ARHGAP29: variants seen among roughly 807,000 people sequenced by gnomAD.
ARHGAP29 encodes rho GTPase-activating protein 29.
A neutral mutation model predicts 122.6 loss-of-function variants in ARHGAP29; 43 were observed. The observed-to-expected ratio is 0.35, with a 90% CI of 0.27 to 0.45. The LOEUF (loss-of-function observed/expected upper bound fraction) is 0.45. Ranked by LOEUF, ARHGAP29 falls within the 20% of genes least tolerant of loss-of-function variation. The pLI is 1.00. For missense variants in ARHGAP29, 1,303 were observed against 1,477.2 expected, an observed-to-expected ratio of 0.88 and a Z score of 1.93; for synonymous variants, 506 against 497.1, an observed-to-expected ratio of 1.02 and a Z score of -0.24.
chr1:94,174,108 G>A lies in ARHGAP29; in HGVS notation c.3547C>T (p.Pro1183Ser). Reference sequence around the variant, plus strand: ...GGCACTGCTGCTGAGGGTGAAGCTGGCTTCTCCTCATTCCCCCTGATACTG... The same window carrying A: ...GGCACTGCTGCTGAGGGTGAAGCTGACTTCTCCTCATTCCCCCTGATACTG... ...IISIRGNEEK[P>S]ASPSAAVPPG... The change falls in exon 23 of 23, where the codon CCA (proline) becomes TCA (serine). Residue 1183 changes from proline to serine, a missense_variant. By Grantham distance (74) the Pro-to-Ser change is moderately conservative. Transcript: ENST00000260526. 6.2e-7 allele frequency: 1 copy of A among 1,614,180 alleles called. No homozygotes were observed. The highest frequency in any genetic ancestry group is 8.5e-7 in the Non-Finnish European group (1 of 1,180,034).
intron 1 of ARHGAP29, among the ~76,000 whole-genome samples, chr1:94,267,364 C>T (rs1037958748): frequency 1.3e-5 from 2 of 152,160 alleles, no homozygotes; most frequent in African/African-American, 4.8e-5. Flanking sequence ...CATGAATATC[C>T]TTGAGTGACC....
chr1:94,236,376 G>T (rs985265358), intron 1 of ARHGAP29, among the ~76,000 whole-genome samples: 2 of 152,170 alleles, frequency 1.3e-5, no homozygotes, highest in African/African-American at 4.8e-5. Context: ...TTGCCAAAGA[G>T]CAAGTTCCTC....
upstream of ARHGAP29, chr1:94,237,735 G>T: frequency 1.0e-6 from 1 of 985,246 alleles, no homozygotes; most frequent in Non-Finnish European, 1.2e-6. Context: ...CGCGCAGAAC[G>T]CGACCGTCAG....
At chr1:94,200,871 T>G (rs1252360187) in intron 12 of ARHGAP29, among the ~76,000 whole-genome samples, 5 of 152,150 alleles carry the variant, frequency 3.3e-5, no homozygotes, top group Admixed American at 3.3e-4. Flanking sequence ...TGCCAGGGGT[T>G]AGGAGTGGGC....
At chr1:94,307,874 C>A in the ARHGAP29 span, among the ~76,000 whole-genome samples, 2 of 152,126 alleles carry the variant, frequency 1.3e-5, no homozygotes, top group Admixed American at 6.5e-5. Context: ...ATGGGAAAGG[C>A]CTTATAAAGC....
At chr1:94,268,203 G>A (rs751264150) in intron 1 of ARHGAP29, among the ~76,000 whole-genome samples, 1 of 152,088 alleles carries the variant, frequency 6.6e-6, no homozygotes, top group Non-Finnish European at 1.5e-5. Context: ...TACATGGCAA[G>A]ACCCATAGAC....
Position 94,247,838 on chromosome 1 carries a change from C to T in ARHGAP29, c.-32-16195G>A, listed in dbSNP as rs538779458. ...TCCCGGGGGGCGGGGTCGGCGACCG[C>T]GGCAGGTTGGGGCGGCTGCTCGCTC... On this transcript the variant is annotated intron_variant and NMD_transcript_variant, in intron 1 of 25. Coordinates refer to the ARHGAP29 transcript ENST00000552844. The T allele has an allele frequency of 3.3e-4, 69 of 206,924 alleles. No individual in the cohort carries two copies. The East Asian group carries it at 0.012, about 37-fold the overall frequency. The allele number at this position is 206,924 out of a possible 1,614,324, so 12.8% of individuals were successfully genotyped here. A position where few individuals can be genotyped will look rare whatever the true frequency, so the allele number is the denominator to read the frequency against.
intron 19 of ARHGAP29, among the ~76,000 whole-genome samples, chr1:94,181,384 G>T (rs137910581): frequency 7.9e-5 from 12 of 152,218 alleles, no homozygotes; most frequent in South Asian, 2.1e-4. Context: ...TCTCTGGATG[G>T]GCAATGTCAA....
At chr1:94,265,006 A>G (rs1461574551) in intron 1 of ARHGAP29, among the ~76,000 whole-genome samples, 2 of 152,194 alleles carry the variant, frequency 1.3e-5, no homozygotes, top group Non-Finnish European at 2.9e-5. Context: ...AAGCCCAGTG[A>G]GAAACTGATA....
rs940705758 is a variant in ARHGAP29 at position 94,207,085 on chromosome 1, T to C, written c.511-1402A>G. Among the ~76,000 whole-genome samples the C allele has an allele frequency of 1.7e-4, 19 of 112,842 alleles. 1 individual carries two copies. Among genetic ancestry groups the C allele is most frequent in the African/African-American group, 5.9e-4 (19 of 32,012 alleles). 74.0% of individuals were successfully genotyped at this position (112,842 alleles called of 152,430 possible). On this transcript the variant is annotated intron_variant, in intron 5 of 22. Transcript: ENST00000260526. ...GTGCAGCGCCACGATCTTGGCTCAC[T>C]GCAACCTCTGCCTTCTGGGTTCAAG...
intron 12 of ARHGAP29, chr1:94,193,039 C>T (rs1650219445): frequency 6.6e-6 from 1 of 151,702 alleles, no homozygotes; most frequent in Admixed American, 6.6e-5. Flanking sequence ...ACAAAGGTTT[C>T]AAAAAAGTAG....
At chr1:94,204,995 T>TA (rs1651101409) in intron 7 of ARHGAP29, 66 bp downstream of exon 7, 4 of 1,401,812 alleles carry the variant, frequency 2.9e-6, no homozygotes, top group South Asian at 3.3e-5. Context: ...TCATAATCTG[T>TA]AAAAAATGAG....
rs984758962 is a variant in ARHGAP29 at position 94,196,263 on chromosome 1, T to C, written c.1281+5457A>G. On this transcript the variant is annotated intron_variant, in intron 12 of 22. Coordinates refer to ENST00000260526, the MANE Select transcript of ARHGAP29 (RefSeq NM_004815.4). The stretch of plus-strand genomic sequence containing the variant: ...CGATTTTTCCGTGTTTTTCTTTTTT[T>C]TTTTTTTTTTTTTTTTGAGACGGAG... 2.7e-4 allele frequency among the ~76,000 whole-genome samples: 37 copies of C among 135,274 alleles called. No homozygotes were observed. In the South Asian group the frequency reaches 6.0e-3, roughly 22 times the overall value. 88.7% of individuals were successfully genotyped at this position (135,274 alleles called of 152,430 possible).
chr1:94,188,143 TA>T (rs1178235608), intron 15 of ARHGAP29, among the ~76,000 whole-genome samples: 4 of 152,256 alleles, frequency 2.6e-5, no homozygotes, highest in African/African-American at 9.6e-5. Flanking sequence ...GTTCAACTGC[TA>T]CCTTCTTCTC....
chr1:94,199,213 A>G lies in ARHGAP29; in HGVS notation c.1281+2507T>C, dbSNP rs112456463. On this transcript the variant is annotated intron_variant, in intron 12 of 22. Transcript: ENST00000260526. Reference sequence around the variant, plus strand: ...TATGTAACAAACCTGCACGTTGTGCACATGTATCCTAGAACTTAAAGCATT... The same window carrying G: ...TATGTAACAAACCTGCACGTTGTGCGCATGTATCCTAGAACTTAAAGCATT... Among the ~76,000 whole-genome samples, 298 of 152,308 alleles carry G rather than the reference A, an allele frequency of 2.0e-3. 2 individuals are homozygous for G. Among genetic ancestry groups the G allele is most frequent in the African/African-American group, 6.9e-3 (287 of 41,566 alleles).
At chr1:94,230,160 C>T (rs894226984) in intron 2 of ARHGAP29, among the ~76,000 whole-genome samples, 7 of 151,386 alleles carry the variant, frequency 4.6e-5, no homozygotes, top group African/African-American at 1.7e-4. Context: ...AAAAATTAAC[C>T]TAGTTAAGAA....
intron 16 of ARHGAP29, among the ~76,000 whole-genome samples, chr1:94,186,137 T>C (rs1017342588): frequency 3.3e-5 from 5 of 152,204 alleles, no homozygotes; most frequent in Admixed American, 1.3e-4. Context: ...TTTTCTTGCA[T>C]TGTTTCTTTT....
chr1:94,309,751 A>T, the ARHGAP29 span, among the ~76,000 whole-genome samples: 3 of 152,314 alleles, frequency 2.0e-5, no homozygotes, highest in East Asian at 5.8e-4. Context: ...TTTCGAAGAC[A>T]TGAGAGTCAA....
chr1:94,177,533 C>G, intron 22 of ARHGAP29, 79 bp downstream of exon 22: 3 of 1,091,966 alleles, frequency 2.7e-6, no homozygotes, highest in Non-Finnish European at 3.9e-6. Context: ...CTCATTGCCC[C>G]TCACCTTGGT....
Sources: gnomAD v4.1 joint callset for allele counts (sites outside exome capture counted in the v4.1 genomes callset) on GRCh38, gnomAD v4.1.1 for gene constraint, MANE v1.5 for transcripts, NCBI Gene and HGNC (gene_info 2026-07-23, HGNC 2026-07-21) for gene names.